Variants in ANKRD44 observed in about 807,000 individuals in gnomAD.
The protein encoded by ANKRD44 is serine/threonine-protein phosphatase 6 regulatory ankyrin repeat subunit B.
Under a neutral mutation model 116.0 loss-of-function variants are expected in ANKRD44, and 35 were observed. The ratio of observed to expected loss-of-function variants is 0.30; its 90% CI spans 0.23 to 0.40. The LOEUF (loss-of-function observed/expected upper bound fraction) is 0.40. ANKRD44 is among the 10% of genes least tolerant of loss of function. The pLI, the probability that ANKRD44 is intolerant of heterozygous loss-of-function variation, is 1.00. For missense variants in ANKRD44, 1,014 were observed against 1,242.6 expected, an observed-to-expected ratio of 0.82 and a Z score of 2.77; for synonymous variants, 435 against 461.8, an observed-to-expected ratio of 0.94 and a Z score of 0.74.
At chr2:197,145,557 A>G (rs551972807) in intron 3 of ANKRD44, among the ~76,000 whole-genome samples, 61 of 152,302 alleles carry the variant, frequency 4.0e-4, no homozygotes, top group African/African-American at 1.4e-3. Flanking sequence ...AGAAAGGCCT[A>G]TTCTCAAAAG....
intron 1 of ANKRD44, among the ~76,000 whole-genome samples, chr2:197,249,809 G>T (rs1208344608): frequency 6.6e-6 from 1 of 152,104 alleles, no homozygotes; most frequent in Non-Finnish European, 1.5e-5. Flanking sequence ...TTTCAAAGAA[G>T]CGTCTAGGTT....
At chr2:197,122,834 G>A (rs767114103) in intron 6 of ANKRD44, 42 bp from the exon 7 acceptor site, 1 of 1,592,920 alleles carries the variant, frequency 6.3e-7, no homozygotes, top group Non-Finnish European at 8.6e-7. Flanking sequence ...AACCTTTATA[G>A]GACAATTTGC....
chr2:197,310,552 C>T (rs1462955690), intron 1 of ANKRD44, 26 bp downstream of exon 1: 27 of 1,145,086 alleles, frequency 2.4e-5, no homozygotes, highest in Non-Finnish European at 2.9e-5. Context: ...CCGCGCGTCC[C>T]GCCCGCCGGC....
chr2:197,042,899 T>C (rs768367761), intron 16 of ANKRD44, among the ~76,000 whole-genome samples: 1 of 152,220 alleles, frequency 6.6e-6, no homozygotes, highest in Non-Finnish European at 1.5e-5. Flanking sequence ...CTGCAGTTTA[T>C]GAATTTGGGC....
chr2:196,972,091 A>T (rs2075720060), intron 21 of ANKRD44, among the ~76,000 whole-genome samples: 1 of 152,114 alleles, frequency 6.6e-6, no homozygotes, highest in African/African-American at 2.4e-5. Flanking sequence ...GACTCCTCTC[A>T]GTGAGGGAGG....
Position 197,090,439 on chromosome 2 carries a change from C to A in ANKRD44, c.1101-407G>T, listed in dbSNP as rs59317182. ...AAGGGCTGGATATAACAATACTGAGCAAGACAAACTCAAGTTTGAAAAGCA... is the reference window on the plus strand; with the variant it reads ...AAGGGCTGGATATAACAATACTGAGAAAGACAAACTCAAGTTTGAAAAGCA... On this transcript the variant is annotated intron_variant, in intron 10 of 27. Coordinates refer to ENST00000282272, the MANE Select transcript of ANKRD44 (RefSeq NM_001195144.2). 3.6e-3 allele frequency among the ~76,000 whole-genome samples: 539 copies of A among 151,752 alleles called. 5 individuals carry two copies. The highest frequency in any genetic ancestry group is 0.013 in the African/African-American group (521 of 41,378).
intron 1 of ANKRD44, among the ~76,000 whole-genome samples, chr2:197,279,543 G>A (rs2083204078): frequency 6.6e-6 from 1 of 152,002 alleles, no homozygotes; most frequent in Non-Finnish European, 1.5e-5. Context: ...TCCCACTGTT[G>A]CCCATACACA....
chr2:197,027,676 G>A (rs144871928), intron 16 of ANKRD44, among the ~76,000 whole-genome samples: 8 of 123,966 alleles, frequency 6.5e-5, no homozygotes, highest in African/African-American at 2.3e-4. Context: ...AATAATGCCT[G>A]AGAATTTTTT....
At chr2:197,018,080 T>A (rs920457814) in intron 17 of ANKRD44, among the ~76,000 whole-genome samples, 3 of 152,232 alleles carry the variant, frequency 2.0e-5, no homozygotes, top group Non-Finnish European at 4.4e-5. Context: ...ACGTCCAGAA[T>A]CTGTCTTCTT....
At chr2:197,241,453 C>A (rs1357957517) in intron 1 of ANKRD44, among the ~76,000 whole-genome samples, 1 of 152,104 alleles carries the variant, frequency 6.6e-6, no homozygotes, top group Non-Finnish European at 1.5e-5. Flanking sequence ...ATTAGGCAAG[C>A]ACTCTGTAGA....
At chr2:197,008,902 T>C (rs745936546) in intron 19 of ANKRD44, 42 bp downstream of exon 19, 6 of 1,560,650 alleles carry the variant, frequency 3.8e-6, no homozygotes, top group Non-Finnish European at 5.3e-6. Flanking sequence ...GTAGCTGCTG[T>C]GATTGAAATG....
At chr2:197,284,013 T>C (rs1186939532) in intron 1 of ANKRD44, among the ~76,000 whole-genome samples, 1 of 152,156 alleles carries the variant, frequency 6.6e-6, no homozygotes. Context: ...AACTACTGTC[T>C]CCTCTCCCCG....
intron 1 of ANKRD44, among the ~76,000 whole-genome samples, chr2:197,227,134 C>T (rs1315655758): frequency 6.6e-6 from 1 of 152,216 alleles, no homozygotes; most frequent in Non-Finnish European, 1.5e-5. Flanking sequence ...CTTCTACCAA[C>T]CCCTGTCCTC....
At chr2:197,099,562 A>T in intron 10 of ANKRD44, 4 of 1,189,428 alleles carry the variant, frequency 3.4e-6, no homozygotes, top group Non-Finnish European at 4.2e-6. Context: ...AAAGTTACGA[A>T]TAAAGTTCAA....
At chr2:197,151,155 A>G (rs1002146226) in intron 2 of ANKRD44, among the ~76,000 whole-genome samples, 1 of 150,922 alleles carries the variant, frequency 6.6e-6, no homozygotes, top group Non-Finnish European at 1.5e-5. Flanking sequence ...TTTTAGACCA[A>G]TGATACCCCT....
At chr2:197,059,946 C>T (rs2077276282) in intron 16 of ANKRD44, among the ~76,000 whole-genome samples, 1 of 152,358 alleles carries the variant, frequency 6.6e-6, no homozygotes, top group African/African-American at 2.4e-5. Flanking sequence ...TTCTATTCCA[C>T]ATTCACACAA....
chr2:197,206,607 T>C (rs2697311), intron 1 of ANKRD44, among the ~76,000 whole-genome samples: 42,854 of 151,864 alleles, frequency 0.28, 6,665 homozygotes, highest in African/African-American at 0.41. Context: ...GGCTTGAACC[T>C]GGGAGGCAGA....
intron 21 of ANKRD44, among the ~76,000 whole-genome samples, chr2:196,973,121 C>T (rs1431977308): frequency 1.3e-5 from 2 of 152,190 alleles, no homozygotes; most frequent in African/African-American, 4.8e-5. Context: ...CATTTATTAT[C>T]ACTGTTTTCA....
At chr2:197,224,353 C>G (rs2081652668) in intron 1 of ANKRD44, among the ~76,000 whole-genome samples, 1 of 152,148 alleles carries the variant, frequency 6.6e-6, no homozygotes, top group Non-Finnish European at 1.5e-5. Flanking sequence ...TTTAATGATA[C>G]AGCATTTAAA....
Sources: allele counts gnomAD v4.1 joint callset (sites outside exome capture counted in the v4.1 genomes callset), GRCh38; gene constraint gnomAD v4.1.1; transcripts MANE v1.5; gene names NCBI Gene and HGNC (gene_info 2026-07-23, HGNC 2026-07-21).